CREBBP: variants seen among roughly 807,000 people sequenced by gnomAD.
CREBBP encodes CREB binding lysine acetyltransferase.
A neutral mutation model predicts 265.0 loss-of-function variants in CREBBP; 19 were observed. The ratio of observed to expected loss-of-function variants is 0.07; its 90% CI spans 0.05 to 0.11. CREBBP has a LOEUF of 0.11. CREBBP is among the 10% of genes least tolerant of loss of function. The probability of loss-of-function intolerance (pLI) is 1.00; values close to 1 mark genes in which losing one functional copy is unlikely to be tolerated. For synonymous variants in CREBBP, 1,457 were observed against 1,223.7 expected, an observed-to-expected ratio of 1.19 and a Z score of -3.98; for missense variants, 2,525 against 3,219.0, an observed-to-expected ratio of 0.78 and a Z score of 5.22.
In CREBBP at chr16:3,859,354, G is replaced by A. The variant is rs562794517; in HGVS notation, c.86-8345C>T. ...ATTACAGGCGCATACCACCACACCC[G>A]GCTAATTTTTTGTATTTTCAGCAGA... is the stretch of plus-strand genomic sequence containing the variant. On this transcript the variant is annotated intron_variant, in intron 1 of 30. Coordinates refer to ENST00000262367, the MANE Select transcript of CREBBP (RefSeq NM_004380.3). Among the ~76,000 whole-genome samples, 6 of 151,946 alleles carry A rather than the reference G, an allele frequency of 3.9e-5. No individual in the cohort carries two copies. The South Asian group carries it at 8.3e-4, about 21-fold the overall frequency.
chr16:3,824,477 G>C (rs1430539900), intron 2 of CREBBP, among the ~76,000 whole-genome samples: 4 of 152,276 alleles, frequency 2.6e-5, no homozygotes, highest in African/African-American at 9.6e-5. Context: ...AAGCTCAGGA[G>C]AGAGCTGGTT....
intron 2 of CREBBP, among the ~76,000 whole-genome samples, chr16:3,846,572 G>A (rs1300937629): frequency 1.3e-5 from 2 of 152,164 alleles, no homozygotes; most frequent in East Asian, 3.8e-4. Flanking sequence ...AGCCTACATG[G>A]CACAAGTCCT....
chr16:3,751,401 G>A (rs1175135229), intron 20 of CREBBP, among the ~76,000 whole-genome samples: 2 of 152,144 alleles, frequency 1.3e-5, no homozygotes, highest in Non-Finnish European at 2.9e-5. Context: ...ACTAGCCTGG[G>A]CAACATGGCG....
chr16:3,834,409 T>TA (rs2054401885), intron 2 of CREBBP, among the ~76,000 whole-genome samples: 1 of 152,100 alleles, frequency 6.6e-6, no homozygotes, highest in African/African-American at 2.4e-5. Flanking sequence ...AGAGGAACCT[T>TA]AAATACATAT....
rs117083982 is a variant in CREBBP at position 3,854,838 on chromosome 16, T to G, written c.86-3829A>C. ...AACCACGTCTAACACACACTTGTTA[T>G]CTTCCCACCTGTCTGTAAGGAATGA... On this transcript the variant is annotated intron_variant, in intron 1 of 30. Coordinates refer to ENST00000262367, the MANE Select transcript of CREBBP (RefSeq NM_004380.3). Among the ~76,000 whole-genome samples, 2 of 152,258 alleles carry G rather than the reference T, an allele frequency of 1.3e-5. 1 individual carries two copies. The highest frequency in any genetic ancestry group is 4.8e-5 in the African/African-American group (2 of 41,468).
intron 1 of CREBBP, among the ~76,000 whole-genome samples, chr16:3,874,451 G>A (rs781046483): frequency 1.3e-5 from 2 of 152,172 alleles, no homozygotes; most frequent in Non-Finnish European, 1.5e-5. Context: ...GCCCATGGGC[G>A]AAGTCCTCAG....
At chr16:3,823,880 C>T (rs578143958) in intron 2 of CREBBP, among the ~76,000 whole-genome samples, 15 of 152,250 alleles carry the variant, frequency 9.9e-5, no homozygotes, top group Admixed American at 6.5e-4. Context: ...GCAGCTATCA[C>T]GTTGCCACCC....
chr16:3,816,326 G>C (rs1331093735), intron 2 of CREBBP, among the ~76,000 whole-genome samples: 1 of 152,178 alleles, frequency 6.6e-6, no homozygotes, highest in African/African-American at 2.4e-5. Context: ...GTAATGCATA[G>C]TCCCTGTGTA....
intron 5 of CREBBP, among the ~76,000 whole-genome samples, chr16:3,784,738 T>C (rs1489464022): frequency 6.6e-6 from 1 of 152,152 alleles, no homozygotes; most frequent in African/African-American, 2.4e-5. Flanking sequence ...ACATTTCTCT[T>C]TTATCCACAC....
At chr16:3,877,926 G>A (rs1348267545) in intron 1 of CREBBP, among the ~76,000 whole-genome samples, 1 of 152,190 alleles carries the variant, frequency 6.6e-6, no homozygotes, top group Non-Finnish European at 1.5e-5. Flanking sequence ...AAGGAAGGGG[G>A]AAAAGGTGGT....
chr16:3,734,851 G>A (rs916550995), intron 28 of CREBBP, among the ~76,000 whole-genome samples: 7 of 152,116 alleles, frequency 4.6e-5, no homozygotes, highest in Non-Finnish European at 8.8e-5. Flanking sequence ...CCTCACAGAC[G>A]TGCTCTCATA....
At chr16:3,843,002 A>C (rs2054595910) in intron 2 of CREBBP, among the ~76,000 whole-genome samples, 2 of 151,404 alleles carry the variant, frequency 1.3e-5, no homozygotes, top group African/African-American at 4.9e-5. Flanking sequence ...AAAATTAGGA[A>C]TGAGAAGAGA....
intron 1 of CREBBP, among the ~76,000 whole-genome samples, chr16:3,854,676 G>T (rs2054922643): frequency 6.6e-6 from 1 of 152,200 alleles, no homozygotes; most frequent in South Asian, 2.1e-4. Flanking sequence ...AGCTGGCACA[G>T]GCATTGGGAA....
chr16:3,824,691 C>T (rs1454814653), intron 2 of CREBBP, among the ~76,000 whole-genome samples: 3 of 152,256 alleles, frequency 2.0e-5, no homozygotes, highest in African/African-American at 7.2e-5. Context: ...GCGGCAGCAG[C>T]ACGCCTAGGC....
chr16:3,739,641 T>G lies in CREBBP; in HGVS notation c.4217A>C (p.Asp1406Ala). 6.2e-7 allele frequency: 1 copy of G among 1,614,180 alleles called. No individual in the cohort carries two copies. Among genetic ancestry groups the G allele is most frequent in the Non-Finnish European group, 8.5e-7 (1 of 1,180,032 alleles). The change falls in exon 25 of 31, where the codon GAT (aspartate) becomes GCT (alanine). Residue 1406 changes from aspartate (D) to alanine (A), a missense_variant. This residue lies in a region of CREBBP where 252 missense variants were observed against 452.5 expected (regional missense o/e 0.56). Coordinates refer to ENST00000262367, the MANE Select transcript of CREBBP (RefSeq NM_004380.3). Reference protein sequence around the residue: ...LFAFEEIDGVDVCFFGMHVQE... With the variant: ...LFAFEEIDGVAVCFFGMHVQE... ...GACGTGCATTCCAAAAAAGCAGACA[T>G]CCACGCCGTCAATTTCCTCAAAAGC...
chr16:3,756,521 A>T (rs2052590367), intron 19 of CREBBP, among the ~76,000 whole-genome samples: 1 of 152,268 alleles, frequency 6.6e-6, no homozygotes, highest in Admixed American at 6.5e-5. Flanking sequence ...AAGAATGGCA[A>T]GTATTTCTTA....
At chr16:3,785,584 T>C (rs568930486) in intron 5 of CREBBP, among the ~76,000 whole-genome samples, 1 of 152,354 alleles carries the variant, frequency 6.6e-6, no homozygotes, top group East Asian at 1.9e-4. Context: ...GTGCCAGCTA[T>C]AGCGCAGCGG....
intron 2 of CREBBP, among the ~76,000 whole-genome samples, chr16:3,811,339 TC>T (rs2053934497): frequency 6.6e-6 from 1 of 152,110 alleles, no homozygotes; most frequent in African/African-American, 2.4e-5. Flanking sequence ...TCTCTCCTGC[TC>T]CTCTTCAAAC....
intron 1 of CREBBP, 88 bp downstream of exon 1, chr16:3,879,744 T>A: frequency 7.2e-7 from 1 of 1,381,650 alleles, no homozygotes; most frequent in Non-Finnish European, 1.0e-6. Context: ...GCTCGATCGG[T>A]ATCCGCGACC....
Sources: allele counts gnomAD v4.1 joint callset (sites outside exome capture counted in the v4.1 genomes callset), GRCh38; gene constraint gnomAD v4.1.1; regional missense constraint gnomAD v4.1.1; transcripts MANE v1.5; gene names NCBI Gene and HGNC (gene_info 2026-07-23, HGNC 2026-07-21).